The following CRIM1 variants were observed in gnomAD, a reference collection of about 807,000 sequenced individuals.
The protein encoded by CRIM1 is cysteine-rich motor neuron 1 protein.
CRIM1 carries 32 observed loss-of-function variants against 116.4 expected under a neutral mutation model. The ratio of observed to expected loss-of-function variants is 0.27; its 90% CI spans 0.21 to 0.37. The LOEUF (loss-of-function observed/expected upper bound fraction) is 0.37, where lower values mean the gene tolerates loss of function less well. Among genes scored for constraint, CRIM1 ranks in the 10% least tolerant of loss-of-function variants. The probability of loss-of-function intolerance (pLI) is 1.00; values close to 1 mark genes in which losing one functional copy is unlikely to be tolerated. For missense variants in CRIM1, 1,331 were observed against 1,354.8 expected, an observed-to-expected ratio of 0.98 and a Z score of 0.28; for synonymous variants, 590 against 509.2, an observed-to-expected ratio of 1.16 and a Z score of -2.13.
chr2:36,427,836 C>T (rs1003608973), intron 2 of CRIM1, among the ~76,000 whole-genome samples: 3 of 152,216 alleles, frequency 2.0e-5, no homozygotes, highest in South Asian at 2.1e-4. Context: ...TGCCCTGGCT[C>T]CCATTCCTAG....
At chr2:36,464,762 CAG>C in intron 5 of CRIM1, 107 bp downstream of exon 5, 1 of 1,371,890 alleles carries the variant, frequency 7.3e-7, no homozygotes, top group East Asian at 2.3e-5. Context: ...GGATTACCTT[CAG>C]GGGCTTGCTG....
chr2:36,484,073 T>A lies in CRIM1; in HGVS notation c.1372+4379T>A, dbSNP rs550121670. Among the ~76,000 whole-genome samples the A allele has an allele frequency of 2.2e-4, 34 of 152,344 alleles. 1 individual carries two copies. The East Asian group carries it at 6.4e-3, about 29-fold the overall frequency. On this transcript the variant is annotated intron_variant, in intron 7 of 16. Coordinates refer to ENST00000280527, the MANE Select transcript of CRIM1 (RefSeq NM_016441.3). Reference sequence around the variant, plus strand: ...TTCTGATGGGCACTCAGCTCTGGGCTCCATCCCTGTGTCAGCCTCATGGGC... The same window carrying A: ...TTCTGATGGGCACTCAGCTCTGGGCACCATCCCTGTGTCAGCCTCATGGGC...
chr2:36,492,917 A>C (rs926423978), intron 7 of CRIM1, among the ~76,000 whole-genome samples: 39 of 152,208 alleles, frequency 2.6e-4, no homozygotes, highest in African/African-American at 9.4e-4. Flanking sequence ...TCTGAAAAGA[A>C]AGCATAATTG....
At chr2:36,533,656 C>A (rs1452215633) in intron 13 of CRIM1, among the ~76,000 whole-genome samples, 1 of 152,086 alleles carries the variant, frequency 6.6e-6, no homozygotes. Context: ...AGTGGTTGTT[C>A]TTTCTCATAA....
At chr2:36,486,458 G>A (rs1679825394) in intron 7 of CRIM1, among the ~76,000 whole-genome samples, 3 of 152,090 alleles carry the variant, frequency 2.0e-5, no homozygotes. Context: ...TAAAAATGAA[G>A]ATTGGTCTTA....
chr2:36,448,141 G>C (rs747285803), intron 4 of CRIM1, among the ~76,000 whole-genome samples: 2 of 152,220 alleles, frequency 1.3e-5, no homozygotes, highest in African/African-American at 2.4e-5. Flanking sequence ...ATACAAAAGG[G>C]AATGCTACTT....
chr2:36,464,797 T>G (rs973415540), intron 5 of CRIM1, 142 bp downstream of exon 5: 16 of 947,806 alleles, frequency 1.7e-5, no homozygotes, highest in East Asian at 9.7e-5. Flanking sequence ...AAAGGTTTGC[T>G]TAAGATCCAC....
chr2:36,391,018 C>A (rs1038032506), intron 1 of CRIM1, among the ~76,000 whole-genome samples: 8 of 151,738 alleles, frequency 5.3e-5, no homozygotes, highest in African/African-American at 1.7e-4. Context: ...TCATGTTGCC[C>A]AGGCTGGTCT....
intron 5 of CRIM1, among the ~76,000 whole-genome samples, chr2:36,470,774 A>C (rs1283903247): frequency 6.6e-6 from 1 of 152,170 alleles, no homozygotes; most frequent in Non-Finnish European, 1.5e-5. Flanking sequence ...TTCAACTTTC[A>C]AGTCTTGTTA....
intron 1 of CRIM1, among the ~76,000 whole-genome samples, chr2:36,393,128 A>T (rs1671745588): frequency 6.6e-6 from 1 of 152,200 alleles, no homozygotes; most frequent in Admixed American, 6.5e-5. Context: ...TAGCTGTGAG[A>T]TGGGCTGCTT....
At chr2:36,533,329 C>A (rs6721081) in intron 13 of CRIM1, among the ~76,000 whole-genome samples, 2 of 150,118 alleles carry the variant, frequency 1.3e-5, no homozygotes, top group South Asian at 2.1e-4. Flanking sequence ...TGGCTCATGC[C>A]TATAATTCCA....
intron 16 of CRIM1, 48 bp from the exon 17 acceptor site, chr2:36,548,477 G>A: frequency 1.4e-6 from 2 of 1,436,022 alleles, no homozygotes; most frequent in East Asian, 4.6e-5. Flanking sequence ...TTGAGATAAT[G>A]TAAAGCAACT....
chr2:36,380,801 G>A (rs1670687061), intron 1 of CRIM1, among the ~76,000 whole-genome samples: 1 of 152,218 alleles, frequency 6.6e-6, no homozygotes, highest in Non-Finnish European at 1.5e-5. Flanking sequence ...TGTGGCATTG[G>A]AAGTTTCTTC....
Position 36,521,941 on chromosome 2 carries a change from T to C in CRIM1, c.2207-151T>C, listed in dbSNP as rs79439939. The C allele has an allele frequency of 1.2e-3, 789 of 643,264 alleles. 3 individuals are homozygous for C. The highest frequency in any genetic ancestry group is 0.011 in the African/African-American group (591 of 54,752). The allele number at this position is 643,264 out of a possible 1,614,324, so 39.8% of individuals were successfully genotyped here. On this transcript the variant is annotated intron_variant, in intron 12 of 16. Coordinates refer to ENST00000280527, the MANE Select transcript of CRIM1 (RefSeq NM_016441.3). ...ATTTTGTTTAAAAATTTAAGACCCT[T>C]CCCGAATCATACTTTCTGATTTGTT...
rs545710212 is a variant in CRIM1, at chr2:36,491,602, G to A, written c.1373-7617G>A. Among the ~76,000 whole-genome samples the A allele has an allele frequency of 9.9e-5, 15 of 152,206 alleles. No homozygotes were observed. The South Asian group carries it at 2.3e-3, about 23-fold the overall frequency. ...GTGCTTAGATGTCTTTCGTTTTCCCGTTTTGTTCATTCATTGAGCAGTTCT... is the reference window on the plus strand; with the variant it reads ...GTGCTTAGATGTCTTTCGTTTTCCCATTTTGTTCATTCATTGAGCAGTTCT... On this transcript the variant is annotated intron_variant, in intron 7 of 16. Coordinates refer to ENST00000280527, the MANE Select transcript of CRIM1 (RefSeq NM_016441.3).
At chr2:36,469,082 G>A (rs1240207126) in intron 5 of CRIM1, among the ~76,000 whole-genome samples, 1 of 152,166 alleles carries the variant, frequency 6.6e-6, no homozygotes, top group Non-Finnish European at 1.5e-5. Flanking sequence ...TGTTCTGACA[G>A]CATAGTTAGC....
At chr2:36,358,668 TTTG>T (rs1669017667) in intron 1 of CRIM1, among the ~76,000 whole-genome samples, 1 of 152,216 alleles carries the variant, frequency 6.6e-6, no homozygotes, top group Non-Finnish European at 1.5e-5. Flanking sequence ...CTTGGAAGGG[TTTG>T]TTGACATGAT....
At chr2:36,446,725 G>A (rs1328530008) in intron 4 of CRIM1, among the ~76,000 whole-genome samples, 2 of 152,116 alleles carry the variant, frequency 1.3e-5, no homozygotes, top group East Asian at 3.9e-4. Context: ...CATGATATGA[G>A]TTATATGGCA....
At chr2:36,363,853 G>A (rs1669412478) in intron 1 of CRIM1, among the ~76,000 whole-genome samples, 1 of 152,158 alleles carries the variant, frequency 6.6e-6, no homozygotes, top group Admixed American at 6.5e-5. Context: ...CGACGCCATG[G>A]GGGCTATGGT....
Sources: allele counts gnomAD v4.1 joint callset (sites outside exome capture counted in the v4.1 genomes callset), GRCh38; gene constraint gnomAD v4.1.1; transcripts MANE v1.5; gene names NCBI Gene and HGNC (gene_info 2026-07-23, HGNC 2026-07-21).